Variants in PAX5 observed in about 807,000 individuals in gnomAD.
PAX5 encodes paired box protein Pax-5.
Under a neutral mutation model 43.7 loss-of-function variants are expected in PAX5, and 9 were observed. The observed-to-expected ratio is 0.21, with a 90% CI of 0.12 to 0.36. The LOEUF (loss-of-function observed/expected upper bound fraction) is 0.36, where lower values mean the gene tolerates loss of function less well. Among genes scored for constraint, PAX5 ranks in the 10% least tolerant of loss-of-function variants. The pLI is 1.00. For synonymous variants in PAX5, 228 were observed against 214.3 expected, an observed-to-expected ratio of 1.06 and a Z score of -0.56; for missense variants, 383 against 532.7, an observed-to-expected ratio of 0.72 and a Z score of 2.77.
chr9:36,916,008 G>A (rs2131930499), intron 7 of PAX5, among the ~76,000 whole-genome samples: 1 of 150,736 alleles, frequency 6.6e-6, no homozygotes, highest in East Asian at 2.0e-4. Flanking sequence ...AGGCTGCAGT[G>A]AGCCATGATC....
At chr9:36,855,059 T>C (rs576293151) in intron 8 of PAX5, among the ~76,000 whole-genome samples, 2 of 152,352 alleles carry the variant, frequency 1.3e-5, no homozygotes, top group East Asian at 3.9e-4. Flanking sequence ...CCCTTCCTGT[T>C]GTCTACAACT....
At chr9:37,005,884 T>G (rs1404466169) in intron 4 of PAX5, among the ~76,000 whole-genome samples, 1 of 152,166 alleles carries the variant, frequency 6.6e-6, no homozygotes, top group Non-Finnish European at 1.5e-5. Flanking sequence ...TCTTGAGCAC[T>G]AGGAAGTATG....
intron 9 of PAX5, among the ~76,000 whole-genome samples, chr9:36,842,956 T>C (rs1822202932): frequency 6.6e-6 from 1 of 151,890 alleles, no homozygotes. Context: ...TTGGACGAGG[T>C]GTGGGCAGCA....
At chr9:36,968,087 G>A (rs966393968) in intron 5 of PAX5, among the ~76,000 whole-genome samples, 9 of 152,336 alleles carry the variant, frequency 5.9e-5, no homozygotes, top group East Asian at 3.9e-4. Context: ...TATTGCTCAC[G>A]CAAGGCTGAC....
intron 6 of PAX5, among the ~76,000 whole-genome samples, chr9:36,947,291 C>G (rs996745982): frequency 2.6e-5 from 4 of 152,342 alleles, no homozygotes; most frequent in Non-Finnish European, 5.9e-5. Flanking sequence ...TCCAAACCTA[C>G]CATAAATGTC....
intron 7 of PAX5, among the ~76,000 whole-genome samples, chr9:36,910,212 T>C (rs1318590714): frequency 1.3e-5 from 2 of 152,226 alleles, no homozygotes; most frequent in Non-Finnish European, 2.9e-5. Context: ...CTAAACATGG[T>C]TAAGTCCTGA....
At chr9:36,953,913 A>G (rs1833217604) in intron 6 of PAX5, among the ~76,000 whole-genome samples, 1 of 152,096 alleles carries the variant, frequency 6.6e-6, no homozygotes, top group African/African-American at 2.4e-5. Context: ...TCTCTACAAA[A>G]AATACAAAAA....
intron 5 of PAX5, among the ~76,000 whole-genome samples, chr9:37,002,253 C>T (rs1837942516): frequency 6.6e-6 from 1 of 152,168 alleles, no homozygotes; most frequent in Non-Finnish European, 1.5e-5. Context: ...TTTGGCCAGC[C>T]CCCTCTCTCT....
At chr9:36,889,793 T>C (rs1827213588) in intron 7 of PAX5, among the ~76,000 whole-genome samples, 1 of 152,206 alleles carries the variant, frequency 6.6e-6, no homozygotes, top group Admixed American at 6.5e-5. Context: ...GAACTATGCT[T>C]CTCTTCGCAT....
chr9:36,901,632 G>A (rs1587919038), intron 7 of PAX5, among the ~76,000 whole-genome samples: 1 of 152,122 alleles, frequency 6.6e-6, no homozygotes, highest in South Asian at 2.1e-4. Context: ...AGGGTCAGCC[G>A]CTAAAAGGTA....
At chr9:36,932,101 C>T (rs1831180687) in intron 6 of PAX5, among the ~76,000 whole-genome samples, 1 of 151,930 alleles carries the variant, frequency 6.6e-6, no homozygotes, top group Admixed American at 6.6e-5. Flanking sequence ...ATAACAAGAC[C>T]CCATCTCCAC....
intron 6 of PAX5, 138 bp from the exon 7 acceptor site, chr9:36,923,622 C>G: frequency 1.1e-6 from 1 of 927,658 alleles, no homozygotes; most frequent in Non-Finnish European, 1.6e-6. Flanking sequence ...CTCATGAACA[C>G]TTCCAGTGTT....
intron 6 of PAX5, among the ~76,000 whole-genome samples, chr9:36,964,603 A>G (rs180790271): frequency 2.8e-4 from 43 of 152,132 alleles, no homozygotes; most frequent in African/African-American, 9.4e-4. Context: ...ACAAAAAAAA[A>G]AAAAAAAAGA....
rs553798614 is a variant in PAX5, at chr9:36,999,885, T to C, written c.604+2763A>G. On this transcript the variant is annotated intron_variant, in intron 5 of 9. Transcript: ENST00000358127. ...CAACCTGCTAATCATGCCCTTCTGATTGAAACTCTTCCCCATACTGGCCCC... is the reference window on the plus strand; with the variant it reads ...CAACCTGCTAATCATGCCCTTCTGACTGAAACTCTTCCCCATACTGGCCCC... 3.3e-5 allele frequency among the ~76,000 whole-genome samples: 5 copies of C among 152,108 alleles called. No homozygotes were observed. The East Asian group carries it at 9.8e-4, about 30-fold the overall frequency.
chr9:36,926,212 G>T (rs1032045169), intron 6 of PAX5, among the ~76,000 whole-genome samples: 3 of 152,084 alleles, frequency 2.0e-5, no homozygotes, highest in Non-Finnish European at 1.5e-5. Flanking sequence ...CCTTGACAAT[G>T]ACCCTAATGA....
intron 1 of PAX5, among the ~76,000 whole-genome samples, chr9:37,033,713 T>C (rs1359805699): frequency 6.6e-6 from 1 of 152,166 alleles, no homozygotes; most frequent in Non-Finnish European, 1.5e-5. Context: ...GAGTCCCTTA[T>C]ATAAACACAC....
chr9:36,904,066 G>C (rs376735632), intron 7 of PAX5, among the ~76,000 whole-genome samples: 1 of 152,234 alleles, frequency 6.6e-6, no homozygotes, highest in East Asian at 1.9e-4. Context: ...TACTGCACCA[G>C]TGAAATGAGG....
At chr9:37,017,843 C>T (rs1366274132) in intron 2 of PAX5, among the ~76,000 whole-genome samples, 1 of 152,240 alleles carries the variant, frequency 6.6e-6, no homozygotes, top group Non-Finnish European at 1.5e-5. Context: ...AGAAGGCAAC[C>T]CTGACACTCC....
chr9:36,940,617 G>A (rs1316503312), intron 6 of PAX5, among the ~76,000 whole-genome samples: 1 of 152,030 alleles, frequency 6.6e-6, no homozygotes, highest in Non-Finnish European at 1.5e-5. Context: ...GGGAAAACAG[G>A]CCCTCTAGAA....
Sources: gnomAD v4.1 joint callset for allele counts (sites outside exome capture counted in the v4.1 genomes callset) on GRCh38, gnomAD v4.1.1 for gene constraint, MANE v1.5 for transcripts, NCBI Gene and HGNC (gene_info 2026-07-23, HGNC 2026-07-21) for gene names.